ABCA8: variants seen among roughly 807,000 people sequenced by gnomAD.
The protein encoded by ABCA8 is ABC-type organic anion transporter ABCA8.
In ABCA8, 177 loss-of-function variants were observed where a neutral mutation model predicts 192.3. The ratio of observed to expected loss-of-function variants is 0.92; its 90% confidence interval spans 0.81 to 1.04. ABCA8 has a LOEUF of 1.04. ABCA8 is among the 50% of genes least tolerant of loss of function. ABCA8 has a pLI of 0.00. For missense variants in ABCA8, 1,915 were observed against 1,904.8 expected, an observed-to-expected ratio of 1.01 and a Z score of -0.10; for synonymous variants, 642 against 690.2, an observed-to-expected ratio of 0.93 and a Z score of 1.09.
At chr17:68,945,686 C>T (rs1450911760) in intron 2 of ABCA8, among the ~76,000 whole-genome samples, 1 of 152,058 alleles carries the variant, frequency 6.6e-6, no homozygotes, top group African/African-American at 2.4e-5. Flanking sequence ...TTTCTTTCTG[C>T]ATTTCTCAAG....
intron 17 of ABCA8, 104 bp downstream of exon 17, chr17:68,917,257 C>CA (rs1211762098): frequency 4.2e-6 from 3 of 720,720 alleles, no homozygotes; most frequent in East Asian, 2.9e-5. Flanking sequence ...CAAAACAAAA[C>CA]AAAAAATAAC....
intron 2 of ABCA8, among the ~76,000 whole-genome samples, chr17:68,944,359 T>TATATATACAC (rs765731645): frequency 0.01 from 711 of 69,000 alleles, 30 homozygotes; most frequent in Non-Finnish European, 0.014. Context: ...TATATATATA[T>TATATATACAC]ACACATATAC....
chr17:68,919,572 G>T, intron 13 of ABCA8, 96 bp from the exon 14 acceptor site: 1 of 1,097,734 alleles, frequency 9.1e-7, no homozygotes, highest in East Asian at 2.5e-5. Flanking sequence ...TATCTTGACA[G>T]TTTATACAAT....
chr17:68,871,257 A>T (rs1598173566), intron 37 of ABCA8, among the ~76,000 whole-genome samples: 1 of 152,138 alleles, frequency 6.6e-6, no homozygotes, highest in East Asian at 1.9e-4. Context: ...CACTCCCAAG[A>T]TAACTAACTT....
intron 12 of ABCA8, 134 bp downstream of exon 12, chr17:68,922,108 A>G: frequency 5.2e-6 from 3 of 574,502 alleles, no homozygotes; most frequent in Non-Finnish European, 8.0e-6. Context: ...AGTCTAAAAT[A>G]CCACCACTAA....
intron 1 of ABCA8, among the ~76,000 whole-genome samples, chr17:68,953,999 C>G (rs1451886503): frequency 1.3e-5 from 2 of 151,508 alleles, no homozygotes; most frequent in Non-Finnish European, 2.9e-5. Flanking sequence ...CAGCTGCCGC[C>G]AATGCAAGCT....
At chr17:68,889,491 C>T (rs1567832263) in intron 24 of ABCA8, among the ~76,000 whole-genome samples, 1 of 152,158 alleles carries the variant, frequency 6.6e-6, no homozygotes, top group Non-Finnish European at 1.5e-5. Context: ...TTTTCAAGTT[C>T]TCGCATTTCC....
chr17:68,876,128 T>G (rs2066198648), intron 35 of ABCA8, among the ~76,000 whole-genome samples: 1 of 152,186 alleles, frequency 6.6e-6, no homozygotes, highest in Non-Finnish European at 1.5e-5. Context: ...TGTTTACACC[T>G]TAATGAGAAC....
rs6146128 is a variant in ABCA8 at position 68,935,540 on chromosome 17, C to CTATATATATATATATATATATATA, written c.466+1387_466+1410dup. On this transcript the variant is annotated intron_variant, in intron 5 of 39. Coordinates refer to ENST00000586539, the MANE Select transcript of ABCA8 (RefSeq NM_001288985.2). ...TTTAATTTATGGCTGAGTAGTATTC[C>CTATATATATATATATATATATATA]TATATATATATATATATATATATAT... Among the ~76,000 whole-genome samples, 172 of 87,146 alleles carry CTATATATATATATATATATATATA rather than the reference C, an allele frequency of 2.0e-3. 3 individuals are homozygous for CTATATATATATATATATATATATA. The highest frequency in any genetic ancestry group is 3.4e-3 in the South Asian group (7 of 2,076). The allele number at this position is 87,146 out of a possible 152,430, so 57.2% of individuals were successfully genotyped here. A position where few individuals can be genotyped will look rare whatever the true frequency, so the allele number is the denominator to read the frequency against.
chr17:68,919,502 A>T, intron 13 of ABCA8, 26 bp from the exon 14 acceptor site: 1 of 1,576,708 alleles, frequency 6.3e-7, no homozygotes, highest in Non-Finnish European at 8.7e-7. Flanking sequence ...AGTTAATATC[A>T]AGATAAGGCT....
At chr17:68,928,209 C>T in intron 9 of ABCA8, 146 bp from the exon 10 acceptor site, 1 of 580,896 alleles carries the variant, frequency 1.7e-6, no homozygotes, top group South Asian at 4.6e-5. Context: ...TTATGGTTCT[C>T]AAATCTATGC....
chr17:68,885,142 T>C, intron 27 of ABCA8, 54 bp downstream of exon 27: 2 of 1,558,936 alleles, frequency 1.3e-6, no homozygotes, highest in Non-Finnish European at 1.7e-6. Flanking sequence ...TGGGCAAAGC[T>C]TCACAATTGG....
chr17:68,940,865 C>G lies in ABCA8; in HGVS notation c.194G>C (p.Gly65Ala). 1 of 1,613,248 alleles carries G rather than the reference C, an allele frequency of 6.2e-7. No individual in the cohort carries two copies. The highest frequency in any genetic ancestry group is 8.5e-7 in the Non-Finnish European group (1 of 1,179,410). ...GGATTCATTAAATGTATCTACCCGT[C>G]CCAGGTCCATGGTAAGCAGTGAAGA... Reference protein sequence around the residue: ...DFSSLLTMDLGRVDTFNESRF... With the variant: ...DFSSLLTMDLARVDTFNESRF... The change falls in exon 4 of 40, where the codon GGA (glycine) becomes GCA (alanine). Residue 65 changes from glycine (G) to alanine (A), a missense_variant. Physicochemically the swap from Gly to Ala is moderately conservative, Grantham distance 60 (BLOSUM62 0). Transcript: ENST00000586539.
intron 37 of ABCA8, 35 bp downstream of exon 37, chr17:68,875,225 T>C (rs749911937): frequency 1.2e-6 from 2 of 1,611,970 alleles, no homozygotes; most frequent in East Asian, 4.5e-5. Flanking sequence ...ACAGTGAACA[T>C]TTGGTACCAT....
rs753250390 is a variant in ABCA8, at chr17:68,875,639, C to A, written c.4465G>T (p.Ala1489Ser). 3.0e-5 allele frequency: 49 copies of A among 1,614,002 alleles called. No individual in the cohort carries two copies. The highest frequency in any genetic ancestry group is 4.0e-5 in the Non-Finnish European group (47 of 1,180,004). Residue 1489 changes from alanine (A) to serine (S), a missense_variant, in exon 36 of 40, where the codon GCC (alanine) becomes TCC (serine). Physicochemically the swap from Ala to Ser is moderately conservative, Grantham distance 99 (BLOSUM62 1). Coordinates refer to ENST00000586539, the MANE Select transcript of ABCA8 (RefSeq NM_001288985.2). ...CTCAACCTCCCAGATACCATGATGG[C>A]CACTCGGTCACACACGGCCTCAGCC... ...AEAEAVCDRV[A>S]IMVSGRLRCI...
rs3046797 is a variant in ABCA8, at chr17:68,944,359, T to TACACAC, written c.-5-2321_-5-2320insGTGTGT. ...ATATATATATATATATATATATATA[T>TACACAC]ACACATATACATACATATGCAAACA... On this transcript the variant is annotated intron_variant, in intron 2 of 39. Transcript: ENST00000586539. Among the ~76,000 whole-genome samples, 341 of 69,362 alleles carry TACACAC rather than the reference T, an allele frequency of 4.9e-3. 17 individuals carry two copies. Among genetic ancestry groups the TACACAC allele is most frequent in the Non-Finnish European group, 6.9e-3 (238 of 34,284 alleles). 45.5% of individuals were successfully genotyped at this position (69,362 alleles called of 152,430 possible).
At chr17:68,933,387 GT>G in intron 5 of ABCA8, 116 bp from the exon 6 acceptor site, 1 of 630,632 alleles carries the variant, frequency 1.6e-6, no homozygotes, top group Non-Finnish European at 2.7e-6. Context: ...AATTCCAAAT[GT>G]TCTTATTTTG....
At chr17:68,939,292 T>C (rs1387680880) in intron 4 of ABCA8, among the ~76,000 whole-genome samples, 1 of 152,162 alleles carries the variant, frequency 6.6e-6, no homozygotes, top group African/African-American at 2.4e-5. Context: ...TCTGTTGACA[T>C]CCAGTTCTTC....
intron 21 of ABCA8, among the ~76,000 whole-genome samples, chr17:68,900,334 A>G (rs1482162987): frequency 6.6e-6 from 1 of 152,098 alleles, no homozygotes; most frequent in African/African-American, 2.4e-5. Context: ...AAATTAGATA[A>G]TATAGTATAA....
Sources: gnomAD v4.1 joint callset for allele counts (sites outside exome capture counted in the v4.1 genomes callset) on GRCh38, gnomAD v4.1.1 for gene constraint, MANE v1.5 for transcripts, NCBI Gene and HGNC (gene_info 2026-07-23, HGNC 2026-07-21) for gene names.